The following GZMM variants were observed in gnomAD, a reference collection of about 807,000 sequenced individuals.
GZMM encodes granzyme M.
Under a neutral mutation model 19.2 loss-of-function variants are expected in GZMM, and 23 were observed. The ratio of observed to expected loss-of-function variants is 1.20; its 90% CI spans 0.86 to 1.69. GZMM has a LOEUF of 1.69. Ranked by LOEUF, GZMM falls within the 40% of genes most tolerant of loss-of-function variation. GZMM has a pLI of 0.00. For synonymous variants in GZMM, 178 were observed against 160.2 expected (o/e 1.11, Z -0.84); for missense variants, 373 against 352.2 (o/e 1.06, Z -0.47).
chr19:546,053 T>TA (rs1980269141), intron 1 of GZMM, among the ~76,000 whole-genome samples: 1 of 130,420 alleles, frequency 7.7e-6, no homozygotes, highest in Admixed American at 8.3e-5. Context: ...GTGCTGGGAT[T>TA]ATAGGCGTGA....
At chr19:544,850 C>T (rs538101966) in intron 1 of GZMM, among the ~76,000 whole-genome samples, 2 of 149,740 alleles carry the variant, frequency 1.3e-5, no homozygotes, top group African/African-American at 4.9e-5. Flanking sequence ...CCATCCCTCC[C>T]TCCCTCCTTT....
intron 1 of GZMM, among the ~76,000 whole-genome samples, chr19:545,998 T>TC: frequency 6.6e-6 from 1 of 151,860 alleles, no homozygotes; most frequent in Non-Finnish European, 1.5e-5. Context: ...CAGGCTGATC[T>TC]CCAACTCCTG....
intron 2 of GZMM, among the ~76,000 whole-genome samples, chr19:547,825 C>T (rs558680133): frequency 1.9e-4 from 29 of 152,272 alleles, no homozygotes; most frequent in African/African-American, 6.5e-4. Context: ...GCCAGGAGGT[C>T]GAAGCCGGCC....
chr19:549,858 G>A lies in GZMM; in HGVS notation c.*67G>A. On this transcript the variant is annotated 3_prime_UTR_variant, in exon 5 of 5. Coordinates refer to ENST00000264553, the MANE Select transcript of GZMM (RefSeq NM_005317.4). ...CCCTTCCCCTCCAGGGGTGCAGTGGGGTGGGTGAGGACGGGTGGGAGGGAC... is the reference window on the plus strand; with the variant it reads ...CCCTTCCCCTCCAGGGGTGCAGTGGAGTGGGTGAGGACGGGTGGGAGGGAC... The A allele has an allele frequency of 8.8e-7, 1 of 1,136,964 alleles. No individual in the cohort carries two copies. The highest frequency in any genetic ancestry group is 1.3e-6 in the Non-Finnish European group (1 of 774,464). The allele number at this position is 1,136,964 out of a possible 1,614,324, so 70.4% of individuals were successfully genotyped here. A position where few individuals can be genotyped will look rare whatever the true frequency, so the allele number is the denominator to read the frequency against.
At position 544,231 on chromosome 19, in the gene GZMM, C is replaced by T. The variant is rs1251871789; in HGVS notation, c.55+105C>T. ...GGCGCCGACATCCTGGGTGTAAGAG[C>T]GGAGATTCATCCTTGTTTGGAGGGG... is the stretch of plus-strand genomic sequence containing the variant. On this transcript the variant is annotated intron_variant, in intron 1 of 4. Transcript: ENST00000264553. 22 of 921,688 alleles carry T rather than the reference C, an allele frequency of 2.4e-5. 1 individual carries two copies. The highest frequency in any genetic ancestry group is 1.7e-4 in the South Asian group (12 of 70,708). 57.1% of individuals were successfully genotyped at this position (921,688 alleles called of 1,614,324 possible).
intron 1 of GZMM, among the ~76,000 whole-genome samples, chr19:545,138 C>T (rs143792350): frequency 9.6e-6 from 1 of 104,294 alleles, no homozygotes; most frequent in Non-Finnish European, 2.0e-5. Context: ...TGTATCCATC[C>T]GTATTTGCAG....
At chr19:547,235 G>A (rs779267733) in intron 1 of GZMM, 45 bp from the exon 2 acceptor site, 8 of 1,454,750 alleles carry the variant, frequency 5.5e-6, no homozygotes, top group Non-Finnish European at 6.4e-6. Context: ...GCAGGCAGCA[G>A]GGGCATGTAG....
Position 549,864 on chromosome 19 carries a change from TGAGGACGGGTGGGAGGG to T in GZMM, c.*74_*90del. 9.5e-6 allele frequency: 8 copies of T among 841,974 alleles called. No individual in the cohort carries two copies. The highest frequency in any genetic ancestry group is 1.3e-5 in the Non-Finnish European group (7 of 537,166). 52.2% of individuals were successfully genotyped at this position (841,974 alleles called of 1,614,324 possible). ...CCCTCCAGGGGTGCAGTGGGGTGGG[TGAGGACGGGTGGGAGGG>T]ACAGGGAGGGACCAATAAATCATAA... is the stretch of plus-strand genomic sequence containing the variant. On this transcript the variant is annotated 3_prime_UTR_variant, in exon 5 of 5. Transcript: ENST00000264553.
chr19:548,426 G>GGGCAGCGGCTGTGAGT, intron 2 of GZMM, 116 bp from the exon 3 acceptor site: 1 of 1,006,438 alleles, frequency 9.9e-7, no homozygotes, highest in Non-Finnish European at 1.5e-6. Context: ...GGCCTGTGAG[G>GGGCAGCGGCTGTGAGT]GGCAGCGGCT....
chr19:549,697 C>T lies in GZMM; in HGVS notation c.680C>T (p.Ser227Phe). ...RVLARVLSFS[S>F]RVCTDIFKPP... ...TTGGCCAGAGTCCTGTCCTTCAGCT[C>T]CAGGGTCTGCACTGACATCTTCAAG... Residue 227 changes from serine to phenylalanine, a missense_variant, in exon 5 of 5, where the codon TCC becomes TTC. By Grantham distance (155) the Ser-to-Phe change is radical. Transcript: ENST00000264553. 1 of 1,613,784 alleles carries T rather than the reference C, an allele frequency of 6.2e-7. No homozygotes were observed. The highest frequency in any genetic ancestry group is 1.3e-5 in the African/African-American group (1 of 75,046).
chr19:546,722 C>T (rs951792247), intron 1 of GZMM, among the ~76,000 whole-genome samples: 1 of 151,734 alleles, frequency 6.6e-6, no homozygotes, highest in Non-Finnish European at 1.5e-5. Flanking sequence ...CCTGTAGTCC[C>T]AGCTACTCGG....
At chr19:549,543 G>T (rs1980433032) in intron 4 of GZMM, 87 bp from the exon 5 acceptor site, 6 of 1,374,240 alleles carry the variant, frequency 4.4e-6, no homozygotes, top group Non-Finnish European at 4.0e-6. Context: ...GGGATAACAG[G>T]CCTGGCCCTG....
At chr19:547,231 A>C in intron 1 of GZMM, 49 bp from the exon 2 acceptor site, 3 of 1,435,296 alleles carry the variant, frequency 2.1e-6, no homozygotes, top group Non-Finnish European at 2.8e-6. Flanking sequence ...CGCAGCAGGC[A>C]GCAGGGGCAT....
At position 547,382 on chromosome 19, in the gene GZMM, G is replaced by T; in HGVS notation, c.158G>T (p.Gly53Val). Residue 53 changes from glycine to valine, a missense_variant, in exon 2 of 5, where the codon GGT becomes GTT. Coordinates refer to ENST00000264553, the MANE Select transcript of GZMM (RefSeq NM_005317.4). ...AGAAATGGCTCCCACCTGTGCGGGG[G>T]TGTCCTGGTGCACCCAAAGTGGGTG... ...LQRNGSHLCGGVLVHPKWVLT... is the reference protein window; with the variant it reads ...LQRNGSHLCGVVLVHPKWVLT... 2 of 1,544,766 alleles carry T rather than the reference G, an allele frequency of 1.3e-6. No individual in the cohort carries two copies. The highest frequency in any genetic ancestry group is 1.7e-6 in the Non-Finnish European group (2 of 1,146,614).
intron 1 of GZMM, among the ~76,000 whole-genome samples, chr19:546,659 GA>G (rs1980293641): frequency 6.6e-6 from 1 of 151,388 alleles, no homozygotes; most frequent in South Asian, 2.1e-4. Flanking sequence ...CTAACATGGT[GA>G]AACCCCATCT....
intron 1 of GZMM, among the ~76,000 whole-genome samples, chr19:544,761 G>A (rs975408110): frequency 4.9e-5 from 3 of 60,790 alleles, no homozygotes; most frequent in South Asian, 5.6e-4. Flanking sequence ...CCCTCTACCC[G>A]TCCGTCCACC....
chr19:548,530 C>T lies in GZMM; in HGVS notation c.213-12C>T, dbSNP rs1980372384. The T allele has an allele frequency of 6.2e-7, 1 of 1,612,678 alleles. No individual in the cohort carries two copies. Among genetic ancestry groups the T allele is most frequent in the Non-Finnish European group, 8.5e-7 (1 of 1,179,432 alleles). ...GGCCAGGCCGCAGCACCCTGATTCC[C>T]TCTGTCCCCAGGATGGCCCAGCTGA... On this transcript the variant is annotated splice_polypyrimidine_tract_variant and intron_variant, in intron 2 of 4. Coordinates refer to ENST00000264553, the MANE Select transcript of GZMM (RefSeq NM_005317.4).
Position 549,650 on chromosome 19 carries a change from G to C in GZMM, c.633G>C (p.Leu211=). The change falls in exon 5 of 5, where the codon CTG becomes CTC. Residue 211 remains leucine (L), a synonymous_variant. Coordinates refer to ENST00000264553, the MANE Select transcript of GZMM (RefSeq NM_005317.4). ...TGCAGGGTGACTCGGGCGGGCCCCT[G>C]GTGTGTGGCAAAGGCCGGGTGTTGG... ...APCKGDSGGP[L]VCGKGRVLAR... The C allele has an allele frequency of 1.2e-6, 2 of 1,613,184 alleles. No individual in the cohort carries two copies. Among genetic ancestry groups the C allele is most frequent in the South Asian group, 2.2e-5 (2 of 91,084 alleles).
In GZMM at chr19:545,083, ATCCATTCCTCCT is replaced by A. The variant is rs1209670107; in HGVS notation, c.55+963_55+974del. On this transcript the variant is annotated intron_variant, in intron 1 of 4. Transcript: ENST00000264553. Reference sequence around the variant, plus strand: ...CCCTCCTCCCTCCCATCCATCCATCATCCATTCCTCCTTCCATCCCTCCTTCCTTTCTCCCGT... The same window carrying A: ...CCCTCCTCCCTCCCATCCATCCATCATCCATCCCTCCTTCCTTTCTCCCGT... 1.5e-3 allele frequency among the ~76,000 whole-genome samples: 191 copies of A among 126,984 alleles called. 3 individuals carry two copies. The highest frequency in any genetic ancestry group is 6.5e-3 in the African/African-American group (188 of 28,758). 83.3% of individuals were successfully genotyped at this position (126,984 alleles called of 152,430 possible).
Sources: allele counts gnomAD v4.1 joint callset (sites outside exome capture counted in the v4.1 genomes callset), GRCh38; gene constraint gnomAD v4.1.1; transcripts MANE v1.5; gene names NCBI Gene and HGNC (gene_info 2026-07-23, HGNC 2026-07-21).